PHIP: variants seen among roughly 807,000 people sequenced by gnomAD.
PHIP encodes the protein PH-interacting protein.
In PHIP, 54 loss-of-function variants were observed where a neutral mutation model predicts 236.8. The ratio of observed to expected loss-of-function variants is 0.23; its 90% CI spans 0.18 to 0.29. PHIP has a LOEUF of 0.29. Among genes scored for constraint, PHIP ranks in the 10% least tolerant of loss-of-function variants. PHIP has a pLI of 1.00. For missense variants in PHIP, 1,370 were observed against 2,190.8 expected (o/e 0.63, Z 7.48); for synonymous variants, 756 against 718.9 (o/e 1.05, Z -0.83).
At position 78,969,814 on chromosome 6, in the gene PHIP, G is replaced by C. The variant is rs780046837; in HGVS notation, c.3205+21C>G. 8 of 1,193,162 alleles carry C rather than the reference G, an allele frequency of 6.7e-6. No individual in the cohort carries two copies. The African/African-American group carries it at 9.3e-5, about 14-fold the overall frequency. The allele number at this position is 1,193,162 out of a possible 1,614,324, so 73.9% of individuals were successfully genotyped here. A position where few individuals can be genotyped will look rare whatever the true frequency, so the allele number is the denominator to read the frequency against. ...AAAAAAACCACATCAAACATCGATA[G>C]CTTCTAAATAAATTACCCACCTATA... On this transcript the variant is annotated intron_variant, in intron 27 of 39. Coordinates refer to ENST00000275034, the MANE Select transcript of PHIP (RefSeq NM_017934.7).
Position 78,947,882 on chromosome 6 carries a change from T to C in PHIP, c.4054-107A>G, listed in dbSNP as rs1033466371. 7 of 678,724 alleles carry C rather than the reference T, an allele frequency of 1.0e-5. No homozygotes were observed. The African/African-American group carries it at 1.1e-4, about 11-fold the overall frequency. The allele number at this position is 678,724 out of a possible 1,614,324, so 42.0% of individuals were successfully genotyped here. On this transcript the variant is annotated intron_variant, in intron 35 of 39. Transcript: ENST00000275034. ...TTATGATGACTGCAAGTCCTAGAAC[T>C]CTTAATAATCACTCCTGTTCCCCTT...
At chr6:79,047,362 C>T (rs1772552354) in intron 6 of PHIP, among the ~76,000 whole-genome samples, 1 of 152,042 alleles carries the variant, frequency 6.6e-6, no homozygotes, top group Non-Finnish European at 1.5e-5. Context: ...AGTTATTTTT[C>T]GAGAACTGAT....
rs1773415758 is a variant in PHIP at position 78,940,169 on chromosome 6, T to A, written c.*524A>T. On this transcript the variant is annotated 3_prime_UTR_variant, in exon 40 of 40. Coordinates refer to ENST00000275034, the MANE Select transcript of PHIP (RefSeq NM_017934.7). ...AAATTAAACTGTTTAGGGTATCAAATGGTGGAAATTTTATATTTATCTTTT... is the reference window on the plus strand; with the variant it reads ...AAATTAAACTGTTTAGGGTATCAAAAGGTGGAAATTTTATATTTATCTTTT... 1 of 152,054 alleles carries A rather than the reference T, an allele frequency of 6.6e-6. No homozygotes were observed. 9.4% of individuals were successfully genotyped at this position (152,054 alleles called of 1,614,324 possible). A position where few individuals can be genotyped will look rare whatever the true frequency, so the allele number is the denominator to read the frequency against.
At chr6:78,975,983 C>A (rs1022311932) in intron 24 of PHIP, among the ~76,000 whole-genome samples, 1 of 151,786 alleles carries the variant, frequency 6.6e-6, no homozygotes, top group Non-Finnish European at 1.5e-5. Context: ...CCATCCCCAT[C>A]AAGCTACCAA....
chr6:78,971,892 C>G (rs940064863), intron 24 of PHIP, among the ~76,000 whole-genome samples: 1 of 152,180 alleles, frequency 6.6e-6, no homozygotes, highest in Admixed American at 6.5e-5. Context: ...CACGGAGTCT[C>G]GCTGATTGCT....
intron 6 of PHIP, among the ~76,000 whole-genome samples, chr6:79,049,331 GGATTACAGGCGTGA>G (rs1227731875): frequency 1.1e-4 from 17 of 152,142 alleles, no homozygotes; most frequent in African/African-American, 4.1e-4. Flanking sequence ...CAAAGTGCTG[GGATTACAGGCGTGA>G]GCCACCATGG....
At chr6:78,955,746 T>C (rs915905161) in intron 32 of PHIP, 64 bp from the exon 33 acceptor site, 16 of 623,710 alleles carry the variant, frequency 2.6e-5, no homozygotes, top group African/African-American at 1.3e-4. Flanking sequence ...CCTTAAAAAT[T>C]TGTTCGTAAA....
At position 79,042,851 on chromosome 6, in the gene PHIP, T is replaced by C; in HGVS notation, c.592A>G (p.Ile198Val). The C allele has an allele frequency of 6.3e-7, 1 of 1,596,030 alleles. No individual in the cohort carries two copies. The highest frequency in any genetic ancestry group is 8.5e-7 in the Non-Finnish European group (1 of 1,173,660). ...CTTTAGCAATTACTTACAGTAAATATCCGTCTGCCAGTTCGATCAAAAGTT... is the reference window on the plus strand; with the variant it reads ...CTTTAGCAATTACTTACAGTAAATACCCGTCTGCCAGTTCGATCAAAAGTT... ...CVTFDRTGRR[I>V]FTGSDDCLVK... The change falls in exon 7 of 40, where the codon ATA (isoleucine) becomes GTA (valine). Residue 198 changes from isoleucine to valine, a missense_variant. This residue lies in a region of PHIP where 82 missense variants were observed against 203.2 expected (regional missense o/e 0.40). Transcript: ENST00000275034.
intron 19 of PHIP, among the ~76,000 whole-genome samples, chr6:78,994,577 A>AAAAGGAAAAG (rs111590745): frequency 6.6e-6 from 1 of 150,910 alleles, no homozygotes; most frequent in Non-Finnish European, 1.5e-5. Flanking sequence ...ACTCTGTCTC[A>AAAAGGAAAAG]AAAAGAAAAG....
chr6:78,970,666 C>G (rs188267374), intron 25 of PHIP, 115 bp downstream of exon 25: 2 of 665,638 alleles, frequency 3.0e-6, no homozygotes, highest in East Asian at 2.8e-5. Context: ...TTCAATTAAA[C>G]AAGGTATCTT....
At chr6:79,025,657 G>T in intron 8 of PHIP, 38 bp from the exon 9 acceptor site, 2 of 1,259,338 alleles carry the variant, frequency 1.6e-6, no homozygotes, top group Non-Finnish European at 2.3e-6. Context: ...CTTTACAAGA[G>T]TGACACAGTC....
At chr6:79,020,437 C>G (rs764059712) in intron 9 of PHIP, among the ~76,000 whole-genome samples, 2 of 152,084 alleles carry the variant, frequency 1.3e-5, no homozygotes, top group African/African-American at 2.4e-5. Context: ...AAAACCTAAA[C>G]ATTTATTCAG....
At chr6:78,945,942 G>C in intron 38 of PHIP, 59 bp downstream of exon 38, 1 of 1,281,128 alleles carries the variant, frequency 7.8e-7, no homozygotes, top group Non-Finnish European at 1.1e-6. Flanking sequence ...ATTTGGCAAA[G>C]TAAAAGCTTA....
chr6:79,017,752 AG>A (rs746911776), intron 10 of PHIP, among the ~76,000 whole-genome samples, 169 bp from the exon 11 acceptor site: 41 of 152,110 alleles, frequency 2.7e-4, no homozygotes, highest in Non-Finnish European at 4.1e-4. Context: ...AATTTAAGAA[AG>A]AAGTTTATGA....
chr6:78,997,028 C>G (rs1211164656), intron 19 of PHIP, among the ~76,000 whole-genome samples: 4 of 147,634 alleles, frequency 2.7e-5, no homozygotes, highest in Non-Finnish European at 4.5e-5. Context: ...TTTTTTTTTG[C>G]ATCTGAATAT....
chr6:78,975,724 C>G (rs1422119026), intron 24 of PHIP, among the ~76,000 whole-genome samples: 1 of 152,080 alleles, frequency 6.6e-6, no homozygotes, highest in Non-Finnish European at 1.5e-5. Flanking sequence ...TTCCTATACA[C>G]CAACAACGGA....
intron 31 of PHIP, 112 bp from the exon 32 acceptor site, chr6:78,958,712 A>C: frequency 1.4e-6 from 1 of 700,752 alleles, no homozygotes; most frequent in South Asian, 1.7e-5. Flanking sequence ...CCAACTGTAA[A>C]AACCATTGGT....
At position 78,958,729 on chromosome 6, in the gene PHIP, A is replaced by C. The variant is rs1766582990; in HGVS notation, c.3657-129T>G. The C allele has an allele frequency of 4.6e-6, 3 of 653,796 alleles. No homozygotes were observed. In the South Asian group the frequency reaches 5.5e-5, roughly 12 times the overall value. The allele number at this position is 653,796 out of a possible 1,614,324, so 40.5% of individuals were successfully genotyped here. On this transcript the variant is annotated intron_variant, in intron 31 of 39. Transcript: ENST00000275034. ...AACTGTAAAAACCATTGGTCTTATA[A>C]AGTCATTTTCAAAGCAGCATAACTG...
In PHIP at chr6:78,940,548, G is replaced by GTTGT. The variant is rs1773438495; in HGVS notation, c.*144_*145insACAA. The GTTGT allele has an allele frequency of 1.2e-5, 1 of 82,672 alleles. No individual in the cohort carries two copies. The highest frequency in any genetic ancestry group is 5.7e-5 in the African/African-American group (1 of 17,662). The allele number at this position is 82,672 out of a possible 1,614,324, so 5.1% of individuals were successfully genotyped here. ...AAGAAGTGAAGTGTCTCGTAAGTTT[G>GTTGT]TTTTTTTTTTTTTTTTTTTTTTTGC... On this transcript the variant is annotated 3_prime_UTR_variant, in exon 40 of 40. Coordinates refer to ENST00000275034, the MANE Select transcript of PHIP (RefSeq NM_017934.7).
Sources: gnomAD v4.1 joint callset for allele counts (sites outside exome capture counted in the v4.1 genomes callset) on GRCh38, gnomAD v4.1.1 for gene constraint, gnomAD v4.1.1 regional missense constraint, MANE v1.5 for transcripts, NCBI Gene and HGNC (gene_info 2026-07-23, HGNC 2026-07-21) for gene names.